NAALADL2: variants seen among roughly 807,000 people sequenced by gnomAD.
NAALADL2 encodes inactive N-acetylated-alpha-linked acidic dipeptidase-like protein 2.
NAALADL2 carries 76 observed loss-of-function variants against 87.2 expected under a neutral mutation model. That is an observed-to-expected ratio of 0.87 (90% CI 0.72 to 1.05). The LOEUF (loss-of-function observed/expected upper bound fraction) is 1.05. NAALADL2 is among the 50% of genes least tolerant of loss of function. The probability of loss-of-function intolerance (pLI) is 0.00; values close to 1 mark genes in which losing one functional copy is unlikely to be tolerated. For missense variants in NAALADL2, 1,089 were observed against 945.8 expected, an observed-to-expected ratio of 1.15 and a Z score of -1.99; for synonymous variants, 354 against 331.0, an observed-to-expected ratio of 1.07 and a Z score of -0.75.
intron 1 of NAALADL2, among the ~76,000 whole-genome samples, chr3:175,096,200 G>A (rs1721126733): frequency 6.6e-6 from 1 of 151,990 alleles, no homozygotes; most frequent in East Asian, 1.9e-4. Context: ...TTAAGAATCT[G>A]TAACATAACA....
At chr3:175,349,039 G>T (rs1318328892) in intron 5 of NAALADL2, among the ~76,000 whole-genome samples, 1 of 151,946 alleles carries the variant, frequency 6.6e-6, no homozygotes, top group East Asian at 1.9e-4. Context: ...ATACATAGTT[G>T]AGTTTCTTTT....
At chr3:175,457,896 T>A (rs1455770005) in intron 6 of NAALADL2, among the ~76,000 whole-genome samples, 2 of 152,022 alleles carry the variant, frequency 1.3e-5, no homozygotes, top group African/African-American at 2.4e-5. Context: ...CTTGGTATGA[T>A]TTTTTTAATT....
chr3:175,777,565 G>T (rs77075190), intron 13 of NAALADL2, among the ~76,000 whole-genome samples: 6 of 152,162 alleles, frequency 3.9e-5, no homozygotes, highest in African/African-American at 1.4e-4. Flanking sequence ...CACAATGAAC[G>T]AGAAACTCGT....
At chr3:175,338,507 T>C (rs1314428570) in intron 5 of NAALADL2, among the ~76,000 whole-genome samples, 1 of 150,492 alleles carries the variant, frequency 6.6e-6, no homozygotes, top group Admixed American at 6.7e-5. Context: ...TTATTAAACA[T>C]TTATCAGGAC....
chr3:175,755,086 G>C (rs1027986138), intron 12 of NAALADL2, 134 bp from the exon 13 acceptor site: 4 of 663,816 alleles, frequency 6.0e-6, no homozygotes, highest in Non-Finnish European at 9.9e-6. Flanking sequence ...AAGAGAGAGA[G>C]AACTGTCAAT....
At chr3:175,719,381 A>C (rs963487562) in intron 11 of NAALADL2, among the ~76,000 whole-genome samples, 2 of 145,430 alleles carry the variant, frequency 1.4e-5, no homozygotes, top group African/African-American at 5.0e-5. Context: ...TTAAAGTATA[A>C]TAAAAAAAAA....
At chr3:174,797,403 C>T (rs1397022563) in intron 3 of NAALADL2, among the ~76,000 whole-genome samples, 1 of 146,416 alleles carries the variant, frequency 6.8e-6, no homozygotes, top group African/African-American at 2.6e-5. Context: ...CTTCTGCCTC[C>T]CGGGTTCAAG....
chr3:175,279,838 T>G (rs1754055179), intron 4 of NAALADL2, among the ~76,000 whole-genome samples: 1 of 151,174 alleles, frequency 6.6e-6, no homozygotes, highest in Non-Finnish European at 1.5e-5. Context: ...AATAAAGATG[T>G]AAACTGCAGG....
chr3:175,671,626 A>T (rs1037003817), intron 11 of NAALADL2, among the ~76,000 whole-genome samples: 1 of 152,050 alleles, frequency 6.6e-6, no homozygotes, highest in African/African-American at 2.4e-5. Context: ...TGTTCCAGAG[A>T]AGACTCTAAA....
chr3:175,074,413 G>A (rs969784901), intron 1 of NAALADL2, among the ~76,000 whole-genome samples: 2 of 152,204 alleles, frequency 1.3e-5, no homozygotes, highest in Middle Eastern at 3.4e-3. Flanking sequence ...AGACGTTAAA[G>A]TTAAGATAAT....
At chr3:174,855,135 G>A (rs950892750), upstream of NAALADL2, among the ~76,000 whole-genome samples, 1 of 151,924 alleles carries the variant, frequency 6.6e-6, no homozygotes, top group Non-Finnish European at 1.5e-5. Flanking sequence ...CACTGTGCCC[G>A]GCCTATGCTA....
At chr3:175,588,539 T>TTTTTTTTTTTTTC (rs1560807509) in intron 10 of NAALADL2, among the ~76,000 whole-genome samples, 3 of 130,214 alleles carry the variant, frequency 2.3e-5, no homozygotes, top group Admixed American at 7.5e-5. Context: ...CTTTTCTTTT[T>TTTTTTTTTTTTTC]TTTTTTTTTT....
chr3:174,622,421 G>A (rs1425785377), intron 2 of NAALADL2, among the ~76,000 whole-genome samples: 2 of 152,266 alleles, frequency 1.3e-5, no homozygotes, highest in East Asian at 1.9e-4. Flanking sequence ...AGAACATTAT[G>A]TTTAGATTGT....
At chr3:174,849,457 C>T (rs1724993546) in intron 3 of NAALADL2, among the ~76,000 whole-genome samples, 1 of 152,022 alleles carries the variant, frequency 6.6e-6, no homozygotes, top group Non-Finnish European at 1.5e-5. Context: ...TGAAGATGCA[C>T]TGGGCACGGT....
intron 2 of NAALADL2, among the ~76,000 whole-genome samples, chr3:175,174,977 A>G (rs1292900471): frequency 1.3e-5 from 2 of 152,088 alleles, no homozygotes; most frequent in Non-Finnish European, 2.9e-5. Flanking sequence ...TTAAAATTCA[A>G]TGAAGATAAT....
chr3:174,754,262 TA>T (rs1711687440), intron 3 of NAALADL2, among the ~76,000 whole-genome samples: 1 of 136,030 alleles, frequency 7.4e-6, no homozygotes. Flanking sequence ...ATATATGTTT[TA>T]AAAATGCATA....
chr3:174,934,185 C>T (rs1272229438), intron 1 of NAALADL2, among the ~76,000 whole-genome samples: 1 of 152,184 alleles, frequency 6.6e-6, no homozygotes, highest in African/African-American at 2.4e-5. Flanking sequence ...AGTAACCTCT[C>T]TCCTATTTCT....
chr3:175,330,342 G>C (rs1196401955), intron 5 of NAALADL2, among the ~76,000 whole-genome samples: 1 of 152,082 alleles, frequency 6.6e-6, no homozygotes, highest in African/African-American at 2.4e-5. Context: ...TACTTGGGAG[G>C]CTGAGGTGGG....
chr3:175,576,283 G>T lies in NAALADL2; in HGVS notation c.1800+96G>T, dbSNP rs1035026084. On this transcript the variant is annotated intron_variant, in intron 10 of 13. Coordinates refer to ENST00000454872, the MANE Select transcript of NAALADL2 (RefSeq NM_207015.3). Reference sequence around the variant, plus strand: ...GGCTATTCAATTTTCATATCAAATAGGTCACTATAGAAAAGCGGCTTCATT... The same window carrying T: ...GGCTATTCAATTTTCATATCAAATATGTCACTATAGAAAAGCGGCTTCATT... 4.5e-6 allele frequency: 5 copies of T among 1,118,210 alleles called. No individual in the cohort carries two copies. In the African/African-American group the frequency reaches 7.9e-5, roughly 18 times the overall value. The allele number at this position is 1,118,210 out of a possible 1,614,324, so 69.3% of individuals were successfully genotyped here.
Sources: allele counts gnomAD v4.1 joint callset (sites outside exome capture counted in the v4.1 genomes callset), GRCh38; gene constraint gnomAD v4.1.1; transcripts MANE v1.5; gene names NCBI Gene and HGNC (gene_info 2026-07-23, HGNC 2026-07-21).